TDRD5: variants seen among roughly 807,000 people sequenced by gnomAD.
TDRD5 encodes tudor domain-containing protein 5.
In TDRD5, 41 loss-of-function variants were observed where a neutral mutation model predicts 120.6. That is an observed-to-expected ratio of 0.34 (90% CI 0.26 to 0.44). The LOEUF is 0.44. Among genes scored for constraint, TDRD5 ranks in the 20% least tolerant of loss-of-function variants. The probability of loss-of-function intolerance (pLI) is 1.00; values close to 1 mark genes in which losing one functional copy is unlikely to be tolerated. For missense variants in TDRD5, 1,006 were observed against 1,221.2 expected, an observed-to-expected ratio of 0.82 and a Z score of 2.63; for synonymous variants, 430 against 433.7, an observed-to-expected ratio of 0.99 and a Z score of 0.11.
intron 2 of TDRD5, 55 bp downstream of exon 2, chr1:179,592,902 G>A: frequency 6.6e-7 from 1 of 1,522,400 alleles, no homozygotes; most frequent in Admixed American, 1.7e-5. Context: ...CAATTGCTTA[G>A]TAAATAATTA....
At position 179,667,818 on chromosome 1, in the gene TDRD5, A is replaced by G. The variant is rs149781354; in HGVS notation, c.2650-1376A>G. Among the ~76,000 whole-genome samples the G allele has an allele frequency of 2.0e-3, 297 of 152,242 alleles. 1 individual carries two copies. Among genetic ancestry groups the G allele is most frequent in the African/African-American group, 6.0e-3 (250 of 41,538 alleles). ...AGGTTATACACACAGGCATTTATAT[A>G]TTATATAATTATATAAGCCACATTC... On this transcript the variant is annotated intron_variant, in intron 16 of 17. Coordinates refer to ENST00000444136, the MANE Select transcript of TDRD5 (RefSeq NM_001199085.3).
At chr1:179,597,332 C>A (rs80291089) in intron 4 of TDRD5, among the ~76,000 whole-genome samples, 1 of 125,572 alleles carries the variant, frequency 8.0e-6, no homozygotes, top group Non-Finnish European at 1.6e-5. Flanking sequence ...TTCTTTTTTT[C>A]TTTTTTTTTT....
intron 4 of TDRD5, among the ~76,000 whole-genome samples, chr1:179,613,776 C>A (rs2101952749): frequency 6.6e-6 from 1 of 152,270 alleles, no homozygotes; most frequent in South Asian, 2.1e-4. Flanking sequence ...ATACTATCAC[C>A]TTGGGGGTTA....
intron 12 of TDRD5, among the ~76,000 whole-genome samples, chr1:179,651,704 G>A (rs574085455): frequency 3.0e-4 from 46 of 152,274 alleles, no homozygotes; most frequent in South Asian, 2.5e-3. Context: ...ACGAGGTCAG[G>A]AGATCGAGAC....
At chr1:179,687,578 G>A (rs1680795721) in intron 17 of TDRD5, among the ~76,000 whole-genome samples, 1 of 151,986 alleles carries the variant, frequency 6.6e-6, no homozygotes, top group Non-Finnish European at 1.5e-5. Context: ...GCAGAGCTGA[G>A]TTCAATTCCT....
chr1:179,622,592 A>G (rs1572357935), intron 6 of TDRD5, among the ~76,000 whole-genome samples: 3 of 152,198 alleles, frequency 2.0e-5, no homozygotes, highest in Admixed American at 6.5e-5. Context: ...AAAAGAAACT[A>G]TAAAAACCAA....
intron 15 of TDRD5, among the ~76,000 whole-genome samples, chr1:179,662,596 T>C (rs968785821): frequency 2.7e-5 from 4 of 150,180 alleles, no homozygotes; most frequent in Non-Finnish European, 1.5e-5. Context: ...AGACCCTATC[T>C]AAAAAAAAAT....
chr1:179,607,152 T>A, intron 4 of TDRD5, among the ~76,000 whole-genome samples: 1 of 150,128 alleles, frequency 6.7e-6, no homozygotes, highest in East Asian at 1.9e-4. Flanking sequence ...CTTGTACATA[T>A]TTTTTTAGAT....
At chr1:179,670,130 G>A (rs995774521) in intron 17 of TDRD5, among the ~76,000 whole-genome samples, 6 of 152,120 alleles carry the variant, frequency 3.9e-5, no homozygotes, top group African/African-American at 7.2e-5. Context: ...GATGGCTCAC[G>A]CCTGTAATCC....
intron 9 of TDRD5, among the ~76,000 whole-genome samples, chr1:179,636,558 GC>G (rs1051620642): frequency 1.3e-5 from 2 of 152,218 alleles, no homozygotes; most frequent in African/African-American, 4.8e-5. Context: ...CTGCTTCTAA[GC>G]ATGGATTCAA....
intron 6 of TDRD5, 39 bp from the exon 7 acceptor site, chr1:179,630,728 C>G: frequency 6.3e-7 from 1 of 1,598,340 alleles, no homozygotes; most frequent in Non-Finnish European, 8.5e-7. Context: ...TATCTGTTAT[C>G]TAATGCTGTT....
At chr1:179,614,098 AG>A (rs1676432823) in intron 4 of TDRD5, among the ~76,000 whole-genome samples, 1 of 152,204 alleles carries the variant, frequency 6.6e-6, no homozygotes, top group Non-Finnish European at 1.5e-5. Context: ...TTATTACAAA[AG>A]TAATATAGAT....
chr1:179,654,572 G>C (rs4606276), intron 14 of TDRD5, among the ~76,000 whole-genome samples: 3 of 151,788 alleles, frequency 2.0e-5, no homozygotes, highest in East Asian at 3.9e-4. Flanking sequence ...CAAGACCAGC[G>C]TGGTCAACAT....
rs138962709 is a variant in TDRD5 at position 179,622,737 on chromosome 1, A to G, written c.972+1646A>G. ...AATTTGAAGAACAGAGAAACAAAATAGAACTTGAGTGACCTGAGACCTGTG... is the reference window on the plus strand; with the variant it reads ...AATTTGAAGAACAGAGAAACAAAATGGAACTTGAGTGACCTGAGACCTGTG... On this transcript the variant is annotated intron_variant, in intron 6 of 17. Coordinates refer to ENST00000444136, the MANE Select transcript of TDRD5 (RefSeq NM_001199085.3). 1.5e-3 allele frequency among the ~76,000 whole-genome samples: 227 copies of G among 152,292 alleles called. 1 individual carries two copies. Among genetic ancestry groups the G allele is most frequent in the Non-Finnish European group, 2.7e-3 (185 of 68,004 alleles).
rs932444555 is a variant in TDRD5 at position 179,684,792 on chromosome 1, C to T, written c.2861-5904C>T. On this transcript the variant is annotated intron_variant, in intron 17 of 17. Coordinates refer to ENST00000444136, the MANE Select transcript of TDRD5 (RefSeq NM_001199085.3). ...GTGGTTTTGATTTGCGTTTCTCTGA[C>T]GGCCAGTGATGCTGAACATTTTTTC... is the stretch of plus-strand genomic sequence containing the variant. 6.6e-5 allele frequency among the ~76,000 whole-genome samples: 10 copies of T among 152,282 alleles called. No individual in the cohort carries two copies. The East Asian group carries it at 1.3e-3, about 21-fold the overall frequency.
intron 12 of TDRD5, 145 bp downstream of exon 12, chr1:179,651,212 G>A: frequency 1.2e-6 from 1 of 856,884 alleles, no homozygotes; most frequent in South Asian, 2.0e-5. Flanking sequence ...TTAATGCAGA[G>A]CACTCTTAAT....
intron 6 of TDRD5, among the ~76,000 whole-genome samples, chr1:179,627,678 A>G (rs1241019154): frequency 1.3e-5 from 2 of 152,226 alleles, no homozygotes; most frequent in African/African-American, 2.4e-5. Flanking sequence ...TCAGGCTACA[A>G]TAAGGATAAT....
At chr1:179,596,252 T>A (rs184117895) in intron 4 of TDRD5, among the ~76,000 whole-genome samples, 5 of 152,344 alleles carry the variant, frequency 3.3e-5, no homozygotes, top group Admixed American at 3.3e-4. Flanking sequence ...ATCATCATGT[T>A]AACAACTTAA....
intron 17 of TDRD5, among the ~76,000 whole-genome samples, chr1:179,679,550 C>G (rs544534537): frequency 1.3e-5 from 2 of 152,196 alleles, no homozygotes; most frequent in South Asian, 4.1e-4. Flanking sequence ...TTAATAGATA[C>G]AAGGTTATTG....
Sources: allele counts gnomAD v4.1 joint callset (sites outside exome capture counted in the v4.1 genomes callset), GRCh38; gene constraint gnomAD v4.1.1; transcripts MANE v1.5; gene names NCBI Gene and HGNC (gene_info 2026-07-23, HGNC 2026-07-21).